Variants in NEDD9 observed in about 807,000 individuals in gnomAD.
NEDD9 encodes the protein neural precursor cell expressed, developmentally down-regulated 9, also known as enhancer of filamentation 1.
In NEDD9, 26 loss-of-function variants were observed where a neutral mutation model predicts 76.6. That is an observed-to-expected ratio of 0.34 (90% CI 0.25 to 0.47). The LOEUF is 0.47. Among genes scored for constraint, NEDD9 ranks in the 20% least tolerant of loss-of-function variants. The pLI, the probability that NEDD9 is intolerant of heterozygous loss-of-function variation, is 1.00. For synonymous variants in NEDD9, 392 were observed against 414.2 expected (o/e 0.95, Z 0.65); for missense variants, 937 against 1,058.5 (o/e 0.89, Z 1.59).
At chr6:11,274,856 C>A (rs2065240676) in intron 3 of NEDD9, among the ~76,000 whole-genome samples, 1 of 152,110 alleles carries the variant, frequency 6.6e-6, no homozygotes, top group Admixed American at 6.5e-5. Context: ...CCAGCAATTC[C>A]ATTCTGGTCT....
At chr6:11,235,518 A>G (rs1759580266), upstream of NEDD9, among the ~76,000 whole-genome samples, 1 of 152,234 alleles carries the variant, frequency 6.6e-6, no homozygotes, top group South Asian at 2.1e-4. The surrounding 1 kb of genome is among the most constrained non-coding windows in gnomAD (Gnocchi z 4.1). Context: ...AAATAATTAA[A>G]TGAATGTATA....
intron 2 of NEDD9, among the ~76,000 whole-genome samples, chr6:11,319,760 A>C (rs554866930): frequency 2.1e-5 from 3 of 146,056 alleles, no homozygotes; most frequent in Non-Finnish European, 3.0e-5. Flanking sequence ...TAACATGCAC[A>C]CTAACATGCA....
rs1393553340 is a variant in NEDD9, at chr6:11,370,853, GGGT to G, written c.-214+11283_-214+11285del. Among the ~76,000 whole-genome samples the G allele has an allele frequency of 1.5e-4, 23 of 152,180 alleles. No homozygotes were observed. The highest frequency in any genetic ancestry group is 5.6e-4 in the African/African-American group (23 of 41,434). ...CCAGTACGTCAGTCTGCACGGCGTCGGGTGGTGTTGAGGACAGGTGACAACGGG... is the reference window on the plus strand; with the variant it reads ...CCAGTACGTCAGTCTGCACGGCGTCGGGTGTTGAGGACAGGTGACAACGGG... On this transcript the variant is annotated intron_variant, in intron 1 of 3. Coordinates refer to the NEDD9 transcript ENST00000397378. The surrounding 1 kb of genome is among the most constrained non-coding windows in gnomAD (Gnocchi z 4.2).
rs973981896 is a variant in NEDD9, at chr6:11,200,521, T to G, written c.460-6829A>C. ...GCAACAGTCAATTCTTGCTTTCTAATGTGATAAGAATGTTATGTATGTCTT... is the reference window on the plus strand; with the variant it reads ...GCAACAGTCAATTCTTGCTTTCTAAGGTGATAAGAATGTTATGTATGTCTT... On this transcript the variant is annotated intron_variant, in intron 2 of 6. Coordinates refer to ENST00000379446, the MANE Select transcript of NEDD9 (RefSeq NM_006403.4). 4.6e-6 allele frequency: 5 copies of G among 1,087,226 alleles called. No homozygotes were observed. The African/African-American group carries it at 8.3e-5, about 18-fold the overall frequency. 67.3% of individuals were successfully genotyped at this position (1,087,226 alleles called of 1,614,324 possible). A position where few individuals can be genotyped will look rare whatever the true frequency, so the allele number is the denominator to read the frequency against.
chr6:11,196,012 TCAAA>T (rs926049792), intron 2 of NEDD9, among the ~76,000 whole-genome samples: 1 of 147,388 alleles, frequency 6.8e-6, no homozygotes, highest in Admixed American at 6.8e-5. Flanking sequence ...AAACAAACAA[TCAAA>T]CAAACAGGCT....
At chr6:11,201,166 T>G in intron 2 of NEDD9, 1 of 1,158,022 alleles carries the variant, frequency 8.6e-7, no homozygotes, top group South Asian at 1.3e-5. Flanking sequence ...ACCTCCTTAA[T>G]GCAGAGCTGG....
intron 3 of NEDD9, among the ~76,000 whole-genome samples, chr6:11,260,201 T>C (rs80317697): frequency 0.021 from 3,217 of 152,236 alleles, 115 homozygotes; most frequent in African/African-American, 0.073. Context: ...TTCAAAAATA[T>C]ATGTTGGTAT....
intron 3 of NEDD9, among the ~76,000 whole-genome samples, chr6:11,296,676 T>TC (rs1561820221): frequency 5.8e-5 from 6 of 103,446 alleles, no homozygotes; most frequent in Admixed American, 1.0e-4. Flanking sequence ...TTTCCTTTCC[T>TC]TTCCCTTCCT....
intron 4 of NEDD9, 68 bp downstream of exon 4, chr6:11,192,276 AC>A: frequency 9.3e-6 from 3 of 323,858 alleles, no homozygotes; most frequent in Non-Finnish European, 5.4e-6. Flanking sequence ...CACCCTCCCA[AC>A]CCTGCACCCC....
In NEDD9 at chr6:11,282,431, C is replaced by T. The variant is rs912578578; in HGVS notation, c.12+23561G>A. Reference sequence around the variant, plus strand: ...CCATGCAGACAGTGATGACCACAAACGGAAGTCTCTCTAACCTTGACTCTT... The same window carrying T: ...CCATGCAGACAGTGATGACCACAAATGGAAGTCTCTCTAACCTTGACTCTT... On this transcript the variant is annotated intron_variant, in intron 3 of 3. Transcript: ENST00000397378. Among the ~76,000 whole-genome samples, 7 of 152,144 alleles carry T rather than the reference C, an allele frequency of 4.6e-5. No individual in the cohort carries two copies. The South Asian group carries it at 6.2e-4, about 14-fold the overall frequency.
Position 11,223,909 on chromosome 6 carries a change from A to G in NEDD9, c.12+8595T>C, listed in dbSNP as rs2281875. 0.012 allele frequency among the ~76,000 whole-genome samples: 1,867 copies of G among 152,334 alleles called. 80 individuals are homozygous for G. The East Asian group carries it at 0.12, about 10-fold the overall frequency. On this transcript the variant is annotated intron_variant, in intron 1 of 6. Transcript: ENST00000379446. ...CCTGCAAAAGGCTGCTGTAAGGGAG[A>G]TGGGATAATGCCTTCGACAGTGGAT...
chr6:11,190,573 A>G lies in NEDD9; in HGVS notation c.1296T>C (p.Thr432=). The G allele has an allele frequency of 1.9e-6, 3 of 1,614,224 alleles. No individual in the cohort carries two copies. The highest frequency in any genetic ancestry group is 2.5e-6 in the Non-Finnish European group (3 of 1,180,042). The change falls in exon 5 of 7, where the codon ACT becomes ACC. Residue 432 remains threonine (T), a synonymous_variant. Transcript: ENST00000379446. The surrounding 1 kb of genome is among the most constrained non-coding windows in gnomAD (Gnocchi z 5.8). ...TATATCCGTAACACCGCCAGTCGGT[A>G]GTGACCAGTGCCATTAGGCTGGAGA... The part of the protein sequence containing the change: ...MGVSSLMALV[T]TDWRCYGYME...
chr6:11,276,954 C>G (rs1434621945), intron 3 of NEDD9, among the ~76,000 whole-genome samples: 1 of 152,126 alleles, frequency 6.6e-6, no homozygotes, highest in Non-Finnish European at 1.5e-5. Context: ...AACAAACAAA[C>G]AAACAAACAA....
chr6:11,240,849 A>G (rs981793155), intron 3 of NEDD9, among the ~76,000 whole-genome samples: 3 of 152,220 alleles, frequency 2.0e-5, no homozygotes, highest in African/African-American at 7.2e-5. Flanking sequence ...TATCTCCATA[A>G]TTGTGCAAGG....
intron 1 of NEDD9, among the ~76,000 whole-genome samples, chr6:11,355,715 GTT>G (rs78276796): frequency 6.8e-6 from 1 of 147,576 alleles, no homozygotes; most frequent in African/African-American, 2.5e-5. Context: ...AGAGCTTTAG[GTT>G]TTTTTTTTTA....
At chr6:11,365,096 C>T (rs984696210) in intron 1 of NEDD9, among the ~76,000 whole-genome samples, 14 of 152,116 alleles carry the variant, frequency 9.2e-5, no homozygotes, top group Non-Finnish European at 1.8e-4. Context: ...TTTTCTGCCA[C>T]TCACCCCCCA....
intron 2 of NEDD9, among the ~76,000 whole-genome samples, chr6:11,203,244 T>C (rs564974862): frequency 2.0e-5 from 3 of 152,350 alleles, no homozygotes; most frequent in South Asian, 2.1e-4. Context: ...CCATTTTTTT[T>C]CTGTCTCATG....
intron 1 of NEDD9, among the ~76,000 whole-genome samples, chr6:11,375,626 T>C (rs1429274869): frequency 6.6e-6 from 1 of 152,114 alleles, no homozygotes; most frequent in East Asian, 1.9e-4. Context: ...TTTCACTCAG[T>C]TAACGCACCC....
chr6:11,237,483 A>G (rs987131525), upstream of NEDD9, among the ~76,000 whole-genome samples: 1 of 152,192 alleles, frequency 6.6e-6, no homozygotes, highest in Admixed American at 6.5e-5. The surrounding 1 kb of genome is among the most constrained non-coding windows in gnomAD (Gnocchi z 4.9). Flanking sequence ...TGGTGTTAGG[A>G]TGCACCTTTT....
Sources: gnomAD v4.1 joint callset for allele counts (sites outside exome capture counted in the v4.1 genomes callset) on GRCh38, gnomAD v4.1.1 for gene constraint, Gnocchi (gnomAD v3.1) non-coding constraint, MANE v1.5 for transcripts, NCBI Gene and HGNC (gene_info 2026-07-23, HGNC 2026-07-21) for gene names.